Variants in CNTNAP2 observed in about 807,000 individuals in gnomAD.
CNTNAP2 encodes the protein contactin associated protein 2.
In CNTNAP2, 98 loss-of-function variants were observed where a neutral mutation model predicts 155.2. The observed-to-expected ratio is 0.63, with a 90% CI of 0.54 to 0.75. CNTNAP2 has a LOEUF of 0.75. Ranked by LOEUF, CNTNAP2 falls within the 30% of genes least tolerant of loss-of-function variation. CNTNAP2 has a pLI of 0.00. For missense variants in CNTNAP2, 1,727 were observed against 1,688.1 expected (o/e 1.02, Z -0.40); for synonymous variants, 651 against 631.2 (o/e 1.03, Z -0.47).
At chr7:146,901,381 G>A (rs1306045490) in intron 3 of CNTNAP2, among the ~76,000 whole-genome samples, 2 of 152,046 alleles carry the variant, frequency 1.3e-5, no homozygotes, top group African/African-American at 4.8e-5. Context: ...GCTAGCAAAA[G>A]CAATTAAAAT....
intron 13 of CNTNAP2, among the ~76,000 whole-genome samples, chr7:147,709,457 C>A (rs1796370774): frequency 6.6e-6 from 1 of 152,172 alleles, no homozygotes; most frequent in Non-Finnish European, 1.5e-5. Context: ...TCACAGAGCT[C>A]TTTTTGTAAA....
intron 16 of CNTNAP2, among the ~76,000 whole-genome samples, chr7:148,134,028 C>T (rs1384216930): frequency 6.6e-6 from 1 of 152,116 alleles, no homozygotes; most frequent in Non-Finnish European, 1.5e-5. Context: ...GCCCAAGGAC[C>T]ACTTCAAAGA....
chr7:147,367,254 A>C (rs861160), intron 9 of CNTNAP2, among the ~76,000 whole-genome samples: 78,102 of 152,024 alleles, frequency 0.51, 20,897 homozygotes, highest in East Asian at 0.72. Context: ...ATAGGGCCAC[A>C]TCCTATTGGA....
At chr7:147,277,635 T>A (rs1024590637) in intron 8 of CNTNAP2, among the ~76,000 whole-genome samples, 7 of 151,832 alleles carry the variant, frequency 4.6e-5, no homozygotes, top group African/African-American at 1.7e-4. Context: ...ATAAGCATAT[T>A]TGTGGGGATG....
chr7:147,722,246 T>C (rs1323496441), intron 13 of CNTNAP2, among the ~76,000 whole-genome samples: 3 of 152,178 alleles, frequency 2.0e-5, no homozygotes, highest in Non-Finnish European at 4.4e-5. Flanking sequence ...ATGTTCCAGT[T>C]TCTGAGATCA....
At chr7:146,393,216 C>T (rs1409041077) in intron 1 of CNTNAP2, among the ~76,000 whole-genome samples, 1 of 152,130 alleles carries the variant, frequency 6.6e-6, no homozygotes, top group African/African-American at 2.4e-5. Flanking sequence ...AATTTTTCTA[C>T]TGAAGTGTTT....
intron 5 of CNTNAP2, among the ~76,000 whole-genome samples, chr7:147,108,927 A>G (rs1187976901): frequency 6.6e-6 from 1 of 152,202 alleles, no homozygotes; most frequent in Non-Finnish European, 1.5e-5. Context: ...AGCACGCTCA[A>G]GAAGCAGGAA....
intron 10 of CNTNAP2, among the ~76,000 whole-genome samples, chr7:147,429,522 T>G (rs1797433115): frequency 6.6e-6 from 1 of 152,180 alleles, no homozygotes; most frequent in Admixed American, 6.5e-5. Context: ...GGTTGTCTAT[T>G]TACTCTGCTG....
At chr7:147,956,953 G>A (rs1229893196) in intron 14 of CNTNAP2, among the ~76,000 whole-genome samples, 3 of 152,198 alleles carry the variant, frequency 2.0e-5, no homozygotes, top group Non-Finnish European at 4.4e-5. Context: ...TGGTCTCCAT[G>A]TAACGCATAA....
At chr7:148,140,220 A>G (rs1805032788) in intron 16 of CNTNAP2, among the ~76,000 whole-genome samples, 1 of 152,022 alleles carries the variant, frequency 6.6e-6, no homozygotes, top group South Asian at 2.1e-4. Flanking sequence ...TGCATGGGGT[A>G]TTGCCAATGA....
At chr7:146,123,507 A>G (rs1917654) in intron 1 of CNTNAP2, among the ~76,000 whole-genome samples, 152,286 of 152,286 alleles carry the variant, frequency 1, 76,143 homozygotes, top group Non-Finnish European at 1. Flanking sequence ...TGTTGTCTGG[A>G]ACATCTAAGA....
chr7:147,969,905 A>G (rs912323106), intron 14 of CNTNAP2, among the ~76,000 whole-genome samples: 1 of 144,948 alleles, frequency 6.9e-6, no homozygotes, highest in Non-Finnish European at 1.5e-5. Flanking sequence ...TTTTTTAGTT[A>G]TGAATTTATT....
At chr7:148,325,452 G>A (rs1585273739) in intron 21 of CNTNAP2, among the ~76,000 whole-genome samples, 1 of 152,302 alleles carries the variant, frequency 6.6e-6, no homozygotes, top group African/African-American at 2.4e-5. Flanking sequence ...ATCTGGTGCT[G>A]TTCTTCCCTC....
intron 9 of CNTNAP2, among the ~76,000 whole-genome samples, chr7:147,378,969 T>TG (rs1796487990): frequency 6.6e-6 from 1 of 152,052 alleles, no homozygotes; most frequent in African/African-American, 2.4e-5. Flanking sequence ...AATTGAATCA[T>TG]GGCAGCAGTT....
intron 21 of CNTNAP2, among the ~76,000 whole-genome samples, chr7:148,275,399 A>C (rs1483513651): frequency 6.6e-6 from 1 of 152,190 alleles, no homozygotes; most frequent in Non-Finnish European, 1.5e-5. Flanking sequence ...ATGAAGAGTT[A>C]GAATGATCTG....
chr7:147,503,416 G>A (rs147065888), intron 11 of CNTNAP2, among the ~76,000 whole-genome samples: 2 of 152,116 alleles, frequency 1.3e-5, no homozygotes, highest in East Asian at 1.9e-4. Flanking sequence ...TCCCAAATAC[G>A]ATCCCATCAT....
At chr7:148,301,808 T>C (rs1389341079) in intron 21 of CNTNAP2, among the ~76,000 whole-genome samples, 1 of 152,148 alleles carries the variant, frequency 6.6e-6, no homozygotes, top group African/African-American at 2.4e-5. Context: ...CTGTTGGTGG[T>C]AGAAGGCTTC....
At chr7:146,364,761 C>G (rs1485305354) in intron 1 of CNTNAP2, among the ~76,000 whole-genome samples, 1 of 152,092 alleles carries the variant, frequency 6.6e-6, no homozygotes, top group Non-Finnish European at 1.5e-5. Flanking sequence ...ATGTATGGAA[C>G]AATACAATGA....
At chr7:146,832,725 AATT>A (rs1467089711) in intron 2 of CNTNAP2, among the ~76,000 whole-genome samples, 1 of 151,296 alleles carries the variant, frequency 6.6e-6, no homozygotes, top group Non-Finnish European at 1.5e-5. Context: ...TTAGCTCACT[AATT>A]ATTTCTTTTC....
Sources: allele counts gnomAD v4.1 joint callset (sites outside exome capture counted in the v4.1 genomes callset), GRCh38; gene constraint gnomAD v4.1.1; transcripts MANE v1.5; gene names NCBI Gene and HGNC (gene_info 2026-07-23, HGNC 2026-07-21).